The following KIF26A variants were observed in gnomAD, a reference collection of about 807,000 sequenced individuals.
KIF26A encodes the protein kinesin family member 26A.
KIF26A carries 74 observed loss-of-function variants against 126.0 expected under a neutral mutation model. The ratio of observed to expected loss-of-function variants is 0.59; its 90% CI spans 0.49 to 0.71. KIF26A has a LOEUF of 0.71. Ranked by LOEUF, KIF26A falls within the 30% of genes least tolerant of loss-of-function variation. The pLI, the probability that KIF26A is intolerant of heterozygous loss-of-function variation, is 0.00. For synonymous variants in KIF26A, 1,445 were observed against 1,232.7 expected, an observed-to-expected ratio of 1.17 and a Z score of -3.61; for missense variants, 2,984 against 2,763.3, an observed-to-expected ratio of 1.08 and a Z score of -1.79.
Position 104,175,484 on chromosome 14 carries a change from C to G in KIF26A, c.2696C>G (p.Pro899Arg). The G allele has an allele frequency of 1.3e-6, 2 of 1,593,424 alleles. No homozygotes were observed. The highest frequency in any genetic ancestry group is 2.2e-5 in the South Asian group (2 of 89,766). ...AVGTPMAAST[P>R]RGSSGPDTHQ... ...GGCACCCCGATGGCTGCCAGCACCC[C>G]TCGAGGCAGTTCTGGTCCAGACACC... The change falls in exon 12 of 15, where the codon CCT becomes CGT. Residue 899 changes from proline to arginine, a missense_variant. Physicochemically the swap from Pro to Arg is moderately radical, Grantham distance 103. Transcript: ENST00000423312.
intron 3 of KIF26A, among the ~76,000 whole-genome samples, chr14:104,153,228 T>A (rs1331318186): frequency 6.6e-6 from 1 of 152,134 alleles, no homozygotes; most frequent in Non-Finnish European, 1.5e-5. Context: ...AGCTGGGGGC[T>A]GGCCTTGGCA....
intron 4 of KIF26A, among the ~76,000 whole-genome samples, chr14:104,162,357 C>T (rs751510596): frequency 4.6e-5 from 7 of 152,182 alleles, no homozygotes; most frequent in South Asian, 2.1e-4. Flanking sequence ...TCTGTCTAGG[C>T]GGCCTGGGCC....
At position 104,171,900 on chromosome 14, in the gene KIF26A, G is replaced by A; in HGVS notation, c.1291G>A (p.Ala431Thr). 6.4e-7 allele frequency: 1 copy of A among 1,557,658 alleles called. No homozygotes were observed. Among genetic ancestry groups the A allele is most frequent in the Non-Finnish European group, 8.7e-7 (1 of 1,151,662 alleles). The change falls in exon 6 of 15, where the codon GCC becomes ACC. Residue 431 changes from alanine (A) to threonine (T), a missense_variant. Coordinates refer to ENST00000423312, the MANE Select transcript of KIF26A (RefSeq NM_015656.2). ...AATAAVPKMF[A>T]FDAVFPQDSE... ...CACTGCTGCAGTTCCCAAGATGTTT[G>A]CCTTCGATGCCGTCTTCCCCCAGGA...
chr14:104,166,184 G>GA (rs2037899011), intron 4 of KIF26A, among the ~76,000 whole-genome samples: 1 of 136,916 alleles, frequency 7.3e-6, no homozygotes, highest in South Asian at 2.2e-4. Context: ...GGTGGCAGGG[G>GA]CCCAGGAGCT....
At chr14:104,153,330 C>A (rs2037747351) in intron 3 of KIF26A, among the ~76,000 whole-genome samples, 1 of 152,112 alleles carries the variant, frequency 6.6e-6, no homozygotes, top group Non-Finnish European at 1.5e-5. Flanking sequence ...ACTGGAGGAA[C>A]TTCTGGACAC....
At chr14:104,139,978 A>T (rs1046562611) in intron 2 of KIF26A, among the ~76,000 whole-genome samples, 1 of 151,994 alleles carries the variant, frequency 6.6e-6, no homozygotes, top group Non-Finnish European at 1.5e-5. Context: ...AGCAGGGACC[A>T]TTGTTCCAGG....
chr14:104,139,387 T>C (rs774463726), intron 2 of KIF26A, 99 bp downstream of exon 2: 2 of 1,303,824 alleles, frequency 1.5e-6, no homozygotes, highest in Non-Finnish European at 2.0e-6. Context: ...ACTCCTTCCC[T>C]GCTGCTGTTT....
Position 104,167,068 on chromosome 14 carries a change from C to A in KIF26A, c.1113+20C>A, listed in dbSNP as rs901133963. 6.6e-7 allele frequency: 1 copy of A among 1,505,900 alleles called. No homozygotes were observed. Among genetic ancestry groups the A allele is most frequent in the Admixed American group, 2.2e-5 (1 of 46,124 alleles). The allele number at this position is 1,505,900 out of a possible 1,614,324, so 93.3% of individuals were successfully genotyped here. A position where few individuals can be genotyped will look rare whatever the true frequency, so the allele number is the denominator to read the frequency against. On this transcript the variant is annotated intron_variant, in intron 5 of 14. Transcript: ENST00000423312. ...GGGAAGGTAGACGCAGCCCCGAGTT[C>A]GGGGCCCTGGGTGGGGAGGCCAGAG... is the stretch of plus-strand genomic sequence containing the variant.
In KIF26A at chr14:104,157,857, G is replaced by C. The variant is rs2037795895; in HGVS notation, c.838G>C (p.Val280Leu). 2 of 1,607,750 alleles carry C rather than the reference G, an allele frequency of 1.2e-6. No homozygotes were observed. Among genetic ancestry groups the C allele is most frequent in the Non-Finnish European group, 8.5e-7 (1 of 1,177,002 alleles). Reference protein sequence around the residue: ...GLSKAWGRGGVCTSALVTPTP... With the variant: ...GLSKAWGRGGLCTSALVTPTP... ...GTCGAAGGCCTGGGGCCGTGGTGGA[G>C]TCTGCACGTCAGCCCTGGTCACCCC... The change falls in exon 4 of 15, where the codon GTC becomes CTC. Residue 280 changes from valine (V) to leucine (L), a missense_variant. Physicochemically the swap from Val to Leu is conservative, Grantham distance 32. Transcript: ENST00000423312.
intron 14 of KIF26A, 52 bp downstream of exon 14, chr14:104,179,438 G>A: frequency 2.1e-6 from 3 of 1,452,500 alleles, no homozygotes; most frequent in East Asian, 2.5e-5. Flanking sequence ...TGCCCTGACA[G>A]CTGCCCTCCC....
At chr14:104,173,572 G>C (rs2037983495) in intron 9 of KIF26A, 59 bp downstream of exon 9, 1 of 1,505,894 alleles carries the variant, frequency 6.6e-7, no homozygotes, top group East Asian at 2.4e-5. Flanking sequence ...AGAGACCCAG[G>C]CACAGGGGCC....
In KIF26A at chr14:104,174,288, G is replaced by A. The variant is rs1461180739; in HGVS notation, c.2171G>A (p.Arg724His). 4 of 1,553,466 alleles carry A rather than the reference G, an allele frequency of 2.6e-6. No individual in the cohort carries two copies. Among genetic ancestry groups the A allele is most frequent in the African/African-American group, 2.8e-5 (2 of 72,542 alleles). The change falls in exon 11 of 15, where the codon CGC (arginine) becomes CAC (histidine). Residue 724 changes from arginine to histidine, a missense_variant. Coordinates refer to ENST00000423312, the MANE Select transcript of KIF26A (RefSeq NM_015656.2). ...STVQLAARIH[R>H]LRRKKAKYAS... Reference sequence around the variant, plus strand: ...GTGCAGCTCGCCGCCCGCATCCACCGCCTGCGCAGGAAGAAGGCCAAGGTG... The same window carrying A: ...GTGCAGCTCGCCGCCCGCATCCACCACCTGCGCAGGAAGAAGGCCAAGGTG...
chr14:104,157,062 C>T (rs775119874), intron 3 of KIF26A, among the ~76,000 whole-genome samples: 8 of 152,250 alleles, frequency 5.3e-5, no homozygotes, highest in South Asian at 4.1e-4. Context: ...CATCCCCCCA[C>T]GCCGCCCAGG....
chr14:104,155,672 G>T (rs989123853), intron 3 of KIF26A, among the ~76,000 whole-genome samples: 12 of 152,252 alleles, frequency 7.9e-5, no homozygotes, highest in Non-Finnish European at 1.3e-4. Flanking sequence ...TGGCCGTCCC[G>T]GCGGATGGGG....
Position 104,175,548 on chromosome 14 carries a change from G to T in KIF26A, c.2760G>T (p.Trp920Cys). 6.2e-7 allele frequency: 1 copy of T among 1,603,830 alleles called. No individual in the cohort carries two copies. ...CTGAGCCCTGCAAGGCCATTGTCTGGGGTGACCAGAGAGAGGACAGCAGCG... is the reference window on the plus strand; with the variant it reads ...CTGAGCCCTGCAAGGCCATTGTCTGTGGTGACCAGAGAGAGGACAGCAGCG... Reference protein sequence around the residue: ...GTPEPCKAIVWGDQREDSSAW... With the variant: ...GTPEPCKAIVCGDQREDSSAW... The change falls in exon 12 of 15, where the codon TGG (tryptophan) becomes TGT (cysteine). Residue 920 changes from tryptophan to cysteine, a missense_variant. Trp to Cys is a radical substitution (Grantham distance 215). Transcript: ENST00000423312.
rs747347181 is a variant in KIF26A at position 104,177,850 on chromosome 14, C to A, written c.5062C>A (p.Pro1688Thr). 2 of 1,562,542 alleles carry A rather than the reference C, an allele frequency of 1.3e-6. No homozygotes were observed. Among genetic ancestry groups the A allele is most frequent in the South Asian group, 1.2e-5 (1 of 86,586 alleles). ...CATGAGCGAGAGTGGGGCTGCCTCC[C>A]CAGGCGCCCGCACCCGCAGCCTCAA... ...DSMSESGAASPGARTRSLKSP... is the reference protein window; with the variant it reads ...DSMSESGAASTGARTRSLKSP... The change falls in exon 12 of 15, where the codon CCA becomes ACA. Residue 1688 changes from proline to threonine, a missense_variant. Pro to Thr is a conservative substitution (Grantham distance 38). Transcript: ENST00000423312.
chr14:104,171,908 T>C lies in KIF26A; in HGVS notation c.1299T>C (p.Asp433=). 1 of 1,556,208 alleles carries C rather than the reference T, an allele frequency of 6.4e-7. No individual in the cohort carries two copies. The highest frequency in any genetic ancestry group is 1.2e-5 in the South Asian group (1 of 84,254). ...TAAVPKMFAF[D]AVFPQDSEQA... is the part of the protein sequence containing the mutation. ...CAGTTCCCAAGATGTTTGCCTTCGA[T>C]GCCGTCTTCCCCCAGGACTCCGAGC... The change falls in exon 6 of 15, where the codon GAT becomes GAC. Residue 433 remains aspartate, a synonymous_variant. Transcript: ENST00000423312.
chr14:104,171,758 G>C lies in KIF26A; in HGVS notation c.1149G>C (p.Gly383=). The change falls in exon 6 of 15, where the codon GGG becomes GGC. Residue 383 remains glycine, a synonymous_variant. Coordinates refer to ENST00000423312, the MANE Select transcript of KIF26A (RefSeq NM_015656.2). ...KVMLRIWPAQ[G]AQRSAEAMSF... ...TGCTGCGGATCTGGCCCGCACAGGG[G>C]GCCCAGCGCTCGGCCGAGGCCATGT... 2 of 1,580,792 alleles carry C rather than the reference G, an allele frequency of 1.3e-6. No homozygotes were observed. Among genetic ancestry groups the C allele is most frequent in the Non-Finnish European group, 1.7e-6 (2 of 1,164,652 alleles).
chr14:104,145,668 A>G (rs1468982548), intron 2 of KIF26A, among the ~76,000 whole-genome samples: 1 of 152,052 alleles, frequency 6.6e-6, no homozygotes, highest in Non-Finnish European at 1.5e-5. Flanking sequence ...CTCTTCCTAA[A>G]TGTCCTGTCC....
Sources: allele counts gnomAD v4.1 joint callset (sites outside exome capture counted in the v4.1 genomes callset), GRCh38; gene constraint gnomAD v4.1.1; transcripts MANE v1.5; gene names NCBI Gene and HGNC (gene_info 2026-07-23, HGNC 2026-07-21).